Variants in SCIN observed in about 807,000 individuals in gnomAD.
The protein encoded by SCIN is scinderin, also known as adseverin.
In SCIN, 91 loss-of-function variants were observed where a neutral mutation model predicts 91.8. That is an observed-to-expected ratio of 0.99 (90% CI 0.84 to 1.18). The LOEUF is 1.18. SCIN is among the 50% of genes most tolerant of loss of function. SCIN has a pLI of 0.00. For synonymous variants in SCIN, 367 were observed against 312.6 expected, an observed-to-expected ratio of 1.17 and a Z score of -1.84; for missense variants, 1,087 against 863.9, an observed-to-expected ratio of 1.26 and a Z score of -3.24.
At chr7:12,602,111 G>A (rs948617696) in intron 3 of SCIN, among the ~76,000 whole-genome samples, 1 of 152,128 alleles carries the variant, frequency 6.6e-6, no homozygotes, top group Non-Finnish European at 1.5e-5. Flanking sequence ...ATAAGCATCA[G>A]CTGGCTGAGA....
At chr7:12,577,920 A>G (rs1782409159) in intron 1 of SCIN, 144 bp from the exon 2 acceptor site, 3 of 703,004 alleles carry the variant, frequency 4.3e-6, no homozygotes, top group Non-Finnish European at 6.7e-6. Flanking sequence ...TACATACAGT[A>G]TTTTAGCTAA....
chr7:12,573,453 C>T (rs1782308996), intron 1 of SCIN, among the ~76,000 whole-genome samples: 1 of 152,138 alleles, frequency 6.6e-6, no homozygotes, highest in Non-Finnish European at 1.5e-5. Context: ...TGGTCTCTCC[C>T]TCAGTGTTTC....
chr7:12,635,696 T>C (rs966284428), intron 9 of SCIN, among the ~76,000 whole-genome samples: 14 of 150,814 alleles, frequency 9.3e-5, no homozygotes, highest in Non-Finnish European at 1.8e-4. Flanking sequence ...TGGCTCGTAT[T>C]TTCATCTCAG....
chr7:12,652,531 G>C, intron 15 of SCIN, 57 bp from the exon 16 acceptor site: 1 of 1,506,546 alleles, frequency 6.6e-7, no homozygotes, highest in Non-Finnish European at 9.0e-7. Context: ...TCAATCTGCA[G>C]TTACTTTAGT....
chr7:12,586,395 A>G (rs1318607972), intron 3 of SCIN, among the ~76,000 whole-genome samples: 1 of 152,214 alleles, frequency 6.6e-6, no homozygotes, highest in Admixed American at 6.5e-5. Context: ...ATCTTATCCC[A>G]GTTAGAATGA....
intron 3 of SCIN, among the ~76,000 whole-genome samples, chr7:12,595,077 G>T (rs557177607): frequency 6.6e-6 from 1 of 152,144 alleles, no homozygotes; most frequent in East Asian, 1.9e-4. Flanking sequence ...CCCAGCCAGA[G>T]CCTATCCCCT....
intron 4 of SCIN, among the ~76,000 whole-genome samples, chr7:12,618,585 A>T (rs981406259): frequency 6.6e-6 from 1 of 152,114 alleles, no homozygotes; most frequent in Admixed American, 6.6e-5. Flanking sequence ...GAGCTGGCTA[A>T]ATAAGACCAC....
chr7:12,604,789 A>G lies in SCIN; in HGVS notation c.666+126A>G, dbSNP rs368057331. 4.5e-5 allele frequency: 33 copies of G among 741,464 alleles called. No homozygotes were observed. The South Asian group carries it at 5.6e-4, about 13-fold the overall frequency. 45.9% of individuals were successfully genotyped at this position (741,464 alleles called of 1,614,324 possible). On this transcript the variant is annotated intron_variant, in intron 4 of 15. Transcript: ENST00000297029. Reference sequence around the variant, plus strand: ...GGAAAGAGATTCAACACATGTTTCAATAGTGAGCCTAGCTACAATTAGTAA... The same window carrying G: ...GGAAAGAGATTCAACACATGTTTCAGTAGTGAGCCTAGCTACAATTAGTAA...
intron 1 of SCIN, among the ~76,000 whole-genome samples, chr7:12,576,339 ATCT>A (rs1230335164): frequency 6.8e-6 from 1 of 147,292 alleles, no homozygotes; most frequent in Non-Finnish European, 1.5e-5. Flanking sequence ...ACGTCAAGTA[ATCT>A]TCTAGCTACT....
intron 4 of SCIN, among the ~76,000 whole-genome samples, chr7:12,610,650 C>G (rs185054252): frequency 9.9e-5 from 15 of 152,204 alleles, no homozygotes; most frequent in African/African-American, 3.6e-4. Flanking sequence ...TTGATGTAGA[C>G]ATGAACAAAG....
At chr7:12,632,139 A>ATT (rs1554296254) in intron 9 of SCIN, among the ~76,000 whole-genome samples, 12 of 139,546 alleles carry the variant, frequency 8.6e-5, no homozygotes, top group African/African-American at 3.5e-4. Flanking sequence ...ATTTTATTTT[A>ATT]TTTTATTTTA....
At chr7:12,592,340 G>A (rs975731180) in intron 3 of SCIN, among the ~76,000 whole-genome samples, 1 of 152,156 alleles carries the variant, frequency 6.6e-6, no homozygotes, top group Admixed American at 6.5e-5. Flanking sequence ...CTTTTTAACA[G>A]GGAGGATAGG....
At chr7:12,642,707 CCAGT>C (rs1783881387) in intron 11 of SCIN, among the ~76,000 whole-genome samples, 1 of 151,444 alleles carries the variant, frequency 6.6e-6, no homozygotes, top group African/African-American at 2.4e-5. Flanking sequence ...CTAGCATTTG[CCAGT>C]CAGCCTTTCC....
At chr7:12,598,361 G>A (rs1375476558) in intron 3 of SCIN, among the ~76,000 whole-genome samples, 1 of 151,970 alleles carries the variant, frequency 6.6e-6, no homozygotes, top group Non-Finnish European at 1.5e-5. Context: ...TGGTGAAGTA[G>A]TCATAACTAA....
rs997442940 is a variant in SCIN, at chr7:12,625,923, G to T, written c.981+73G>T. The T allele has an allele frequency of 5.3e-5, 60 of 1,124,000 alleles. 2 individuals carry two copies. The highest frequency in any genetic ancestry group is 3.4e-4 in the South Asian group (22 of 65,274). 69.6% of individuals were successfully genotyped at this position (1,124,000 alleles called of 1,614,324 possible). On this transcript the variant is annotated intron_variant, in intron 7 of 15. Transcript: ENST00000297029. Reference sequence around the variant, plus strand: ...CTCATGACATCTCCACGAAACTCATGAAAAAGTTTGGGTCAAAGTAACGTC... The same window carrying T: ...CTCATGACATCTCCACGAAACTCATTAAAAAGTTTGGGTCAAAGTAACGTC...
At chr7:12,604,452 A>C (rs753902043) in intron 3 of SCIN, 62 bp from the exon 4 acceptor site, 2 of 1,435,498 alleles carry the variant, frequency 1.4e-6, no homozygotes, top group Non-Finnish European at 1.9e-6. Context: ...CACAAGTATT[A>C]CACTGAGGCT....
In SCIN at chr7:12,655,789, G is replaced by C. The variant is rs747604373; in HGVS notation, c.*3074G>C. 2.0e-5 allele frequency: 3 copies of C among 152,170 alleles called. No homozygotes were observed. The highest frequency in any genetic ancestry group is 4.8e-5 in the African/African-American group (2 of 41,428). 9.4% of individuals were successfully genotyped at this position (152,170 alleles called of 1,614,324 possible). A position where few individuals can be genotyped will look rare whatever the true frequency, so the allele number is the denominator to read the frequency against. ...ATTAGACTAGGTACATGTGGAGAAA[G>C]AGATACAGGTGTTCCCTAGCAAGTT... On this transcript the variant is annotated 3_prime_UTR_variant, in exon 16 of 16. Coordinates refer to ENST00000297029, the MANE Select transcript of SCIN (RefSeq NM_001112706.3).
In SCIN at chr7:12,656,506, A is replaced by G. The variant is rs1441481595; in HGVS notation, c.*3791A>G. 1 of 152,212 alleles carries G rather than the reference A, an allele frequency of 6.6e-6. No individual in the cohort carries two copies. The highest frequency in any genetic ancestry group is 1.5e-5 in the Non-Finnish European group (1 of 68,048). 9.4% of individuals were successfully genotyped at this position (152,212 alleles called of 1,614,324 possible). ...CTGAACTTGAATTTAAAAGCCTACAAATGCCCCGCATATGTAGAATTATCA... is the reference window on the plus strand; with the variant it reads ...CTGAACTTGAATTTAAAAGCCTACAGATGCCCCGCATATGTAGAATTATCA... On this transcript the variant is annotated 3_prime_UTR_variant, in exon 16 of 16. Coordinates refer to ENST00000297029, the MANE Select transcript of SCIN (RefSeq NM_001112706.3).
chr7:12,573,834 C>T (rs576553464), intron 1 of SCIN, among the ~76,000 whole-genome samples: 1 of 152,216 alleles, frequency 6.6e-6, no homozygotes, highest in South Asian at 2.1e-4. Flanking sequence ...CTATACCAGG[C>T]CTTGTGCAAT....
Sources: allele counts gnomAD v4.1 joint callset (sites outside exome capture counted in the v4.1 genomes callset), GRCh38; gene constraint gnomAD v4.1.1; transcripts MANE v1.5; gene names NCBI Gene and HGNC (gene_info 2026-07-23, HGNC 2026-07-21).